Variants in PDE1A observed in about 807,000 individuals in gnomAD.
PDE1A encodes phosphodiesterase 1A.
A neutral mutation model predicts 61.7 loss-of-function variants in PDE1A; 35 were observed. That is an observed-to-expected ratio of 0.57 (90% CI 0.43 to 0.75). The LOEUF (loss-of-function observed/expected upper bound fraction) is 0.75. PDE1A is among the 30% of genes least tolerant of loss of function. PDE1A has a pLI of 0.00. For synonymous variants in PDE1A, 232 were observed against 213.2 expected, an observed-to-expected ratio of 1.09 and a Z score of -0.77; for missense variants, 597 against 630.6, an observed-to-expected ratio of 0.95 and a Z score of 0.57.
chr2:182,596,278 G>A, the PDE1A span, among the ~76,000 whole-genome samples: 7 of 152,184 alleles, frequency 4.6e-5, no homozygotes, highest in Admixed American at 1.3e-4. Context: ...TGCAGGCAGA[G>A]CACTGACAAG....
At chr2:182,333,500 A>T (rs888982913) in intron 1 of PDE1A, among the ~76,000 whole-genome samples, 2 of 152,204 alleles carry the variant, frequency 1.3e-5, no homozygotes, top group African/African-American at 4.8e-5. Context: ...TAACGAAATT[A>T]AGGCAGAAAT....
chr2:182,301,568 C>CT, intron 1 of PDE1A, among the ~76,000 whole-genome samples: 1 of 152,272 alleles, frequency 6.6e-6, no homozygotes, highest in South Asian at 2.1e-4. Flanking sequence ...TTCTACTAAA[C>CT]TATGGCTGCT....
rs2438291 is a variant in PDE1A, at chr2:182,303,913, T to A, written c.54-39499A>T. On this transcript the variant is annotated intron_variant, in intron 1 of 13. Coordinates refer to ENST00000351439, the Ensembl canonical transcript of PDE1A. ...TTTCTGTTTGTTTGTTTGTTTGTTT[T>A]TTTGTTGAGATGGAGTCTCGCTGTG... 4.0e-5 allele frequency among the ~76,000 whole-genome samples: 6 copies of A among 151,712 alleles called. No homozygotes were observed. In the South Asian group the frequency reaches 1.3e-3, roughly 32 times the overall value.
At chr2:182,337,657 C>A (rs1420115808) in intron 1 of PDE1A, among the ~76,000 whole-genome samples, 4 of 152,098 alleles carry the variant, frequency 2.6e-5, no homozygotes, top group Admixed American at 2.6e-4. Flanking sequence ...GCTTCATTTC[C>A]TTTCCCCATC....
chr2:182,421,143 A>C (rs1439352409), intron 1 of PDE1A, among the ~76,000 whole-genome samples: 1 of 152,154 alleles, frequency 6.6e-6, no homozygotes, highest in Non-Finnish European at 1.5e-5. Context: ...GACTACTATA[A>C]ATGTAAAATT....
chr2:182,229,433 T>C (rs1040011680), intron 6 of PDE1A, among the ~76,000 whole-genome samples: 3 of 152,202 alleles, frequency 2.0e-5, no homozygotes, highest in East Asian at 1.9e-4. Context: ...AATTCCCAAC[T>C]CTCTCAGAGT....
At chr2:182,478,341 T>C (rs1414412767) in intron 2 of PDE1A, among the ~76,000 whole-genome samples, 2 of 141,924 alleles carry the variant, frequency 1.4e-5, no homozygotes, top group African/African-American at 5.4e-5. Flanking sequence ...TTATTCCTGC[T>C]ATGCAGAAAA....
intron 2 of PDE1A, among the ~76,000 whole-genome samples, chr2:182,245,418 A>G (rs965747175): frequency 1.3e-5 from 2 of 152,188 alleles, no homozygotes; most frequent in African/African-American, 4.8e-5. Flanking sequence ...GTTTTGATAA[A>G]TGTATAATGA....
At chr2:182,364,488 A>AAAAACAAACAACAAC (rs1699717942) in intron 1 of PDE1A, among the ~76,000 whole-genome samples, 2 of 145,164 alleles carry the variant, frequency 1.4e-5, no homozygotes, top group African/African-American at 5.1e-5. Context: ...AAAAAAAAAA[A>AAAAACAAACAACAAC]AAAAAAAAAA....
rs376510018 is a variant in PDE1A, at chr2:182,366,916, G to T, written c.53+59662C>A. ...ACAGAGTAAAGCATCATCGTCACAA[G>T]CTTGTATTAAATCATTGTGGGCTTT... On this transcript the variant is annotated intron_variant, in intron 1 of 13. Transcript: ENST00000351439. Among the ~76,000 whole-genome samples the T allele has an allele frequency of 1.1e-4, 16 of 152,120 alleles. No individual in the cohort carries two copies. The East Asian group carries it at 1.2e-3, about 11-fold the overall frequency.
intron 2 of PDE1A, among the ~76,000 whole-genome samples, chr2:182,459,620 A>G (rs986438031): frequency 6.6e-6 from 1 of 152,110 alleles, no homozygotes; most frequent in Admixed American, 6.6e-5. Flanking sequence ...TCTGCTCAAG[A>G]GCATCAGTTG....
intron 2 of PDE1A, among the ~76,000 whole-genome samples, chr2:182,473,336 C>T (rs951602689): frequency 5.3e-5 from 8 of 151,882 alleles, no homozygotes; most frequent in African/African-American, 1.9e-4. Flanking sequence ...TCAGAGTGAA[C>T]AGGCAACCTA....
At chr2:182,694,568 A>T in the PDE1A span, among the ~76,000 whole-genome samples, 1 of 152,230 alleles carries the variant, frequency 6.6e-6, no homozygotes, top group African/African-American at 2.4e-5. Context: ...CCATGAAGAG[A>T]TCTCTTCTGA....
At chr2:182,255,031 A>C (rs1243033829) in intron 2 of PDE1A, among the ~76,000 whole-genome samples, 1 of 152,162 alleles carries the variant, frequency 6.6e-6, no homozygotes, top group Non-Finnish European at 1.5e-5. Flanking sequence ...TGGGAAAGAA[A>C]ACTTTTCTCA....
At chr2:182,577,929 A>AAAGG in the PDE1A span, among the ~76,000 whole-genome samples, 2 of 81,232 alleles carry the variant, frequency 2.5e-5, no homozygotes, top group African/African-American at 5.5e-5. Context: ...AAAGAAAGAA[A>AAAGG]ACGGAAGGAA....
the PDE1A span, among the ~76,000 whole-genome samples, chr2:182,576,330 T>C: frequency 1.3e-5 from 2 of 152,224 alleles, no homozygotes; most frequent in South Asian, 2.1e-4. Context: ...TGTCTTTTTA[T>C]GACTGCTTGT....
At chr2:182,511,825 C>T (rs1309367979) in intron 2 of PDE1A, among the ~76,000 whole-genome samples, 1 of 152,148 alleles carries the variant, frequency 6.6e-6, no homozygotes, top group Non-Finnish European at 1.5e-5. Flanking sequence ...TGGACACTAC[C>T]ACAGCTCCTT....
At chr2:182,276,488 C>T (rs1014975336) in intron 1 of PDE1A, among the ~76,000 whole-genome samples, 1 of 152,056 alleles carries the variant, frequency 6.6e-6, no homozygotes, top group African/African-American at 2.4e-5. Context: ...ATTTCTTACG[C>T]CTGTCTTACT....
the PDE1A span, among the ~76,000 whole-genome samples, chr2:182,641,713 A>G: frequency 2.0e-5 from 3 of 147,380 alleles, no homozygotes; most frequent in African/African-American, 7.5e-5. Flanking sequence ...GACCTCTACA[A>G]AGTTTTTCTG....
Sources: gnomAD v4.1 joint callset for allele counts (sites outside exome capture counted in the v4.1 genomes callset) on GRCh38, gnomAD v4.1.1 for gene constraint, MANE v1.5 for transcripts, NCBI Gene and HGNC (gene_info 2026-07-23, HGNC 2026-07-21) for gene names.